NDUFAF6: variants seen among roughly 807,000 people sequenced by gnomAD.
NDUFAF6 encodes NADH:ubiquinone oxidoreductase complex assembly factor 6, also known as NADH dehydrogenase (ubiquinone) complex I, assembly factor 6.
Under a neutral mutation model 40.8 loss-of-function variants are expected in NDUFAF6, and 45 were observed. The ratio of observed to expected loss-of-function variants is 1.10; its 90% CI spans 0.87 to 1.42. The LOEUF is 1.42. NDUFAF6 is among the 40% of genes most tolerant of loss of function. The probability of loss-of-function intolerance (pLI) is 0.00; values close to 1 mark genes in which losing one functional copy is unlikely to be tolerated. For synonymous variants in NDUFAF6, 185 were observed against 155.9 expected, an observed-to-expected ratio of 1.19 and a Z score of -1.39; for missense variants, 435 against 418.5, an observed-to-expected ratio of 1.04 and a Z score of -0.34.
intron 2 of NDUFAF6, among the ~76,000 whole-genome samples, chr8:94,996,047 AC>A (rs1826416086): frequency 6.6e-6 from 1 of 152,152 alleles, no homozygotes; most frequent in Non-Finnish European, 1.5e-5. Flanking sequence ...CAAAGTGCTC[AC>A]AGGCGTGAGC....
At chr8:95,008,499 A>G (rs1827095510) in intron 2 of NDUFAF6, among the ~76,000 whole-genome samples, 1 of 152,122 alleles carries the variant, frequency 6.6e-6, no homozygotes, top group Admixed American at 6.5e-5. Flanking sequence ...ATTATTAGTT[A>G]ATGCCCATTT....
At chr8:94,988,268 CT>C (rs1181145447) in intron 2 of NDUFAF6, 2 of 152,200 alleles carry the variant, frequency 1.3e-5, no homozygotes, top group Non-Finnish European at 2.9e-5. Context: ...CTGGAGACAA[CT>C]TTGGCAACTG....
At chr8:95,077,765 G>A (rs1257144970), downstream of NDUFAF6, among the ~76,000 whole-genome samples, 3 of 152,136 alleles carry the variant, frequency 2.0e-5, no homozygotes, top group East Asian at 5.8e-4. Context: ...ATTCTGGGTT[G>A]TAAAGGTCAT....
chr8:94,987,300 C>T (rs577091211), intron 2 of NDUFAF6, among the ~76,000 whole-genome samples: 1 of 152,200 alleles, frequency 6.6e-6, no homozygotes, highest in East Asian at 1.9e-4. Flanking sequence ...ACCCAACCCC[C>T]TCCAAAGCAG....
chr8:95,050,144 C>T (rs549086397), intron 7 of NDUFAF6, among the ~76,000 whole-genome samples: 39 of 152,248 alleles, frequency 2.6e-4, no homozygotes, highest in Non-Finnish European at 4.6e-4. Flanking sequence ...GGCAGGAAAG[C>T]TTTGTGTGGA....
intron 1 of NDUFAF6, among the ~76,000 whole-genome samples, chr8:94,906,051 G>A (rs893117998): frequency 6.6e-6 from 1 of 152,130 alleles, no homozygotes; most frequent in African/African-American, 2.4e-5. Context: ...TCATAACAAG[G>A]TTCAAGGGCG....
chr8:95,035,655 T>G lies in NDUFAF6; in HGVS notation c.420+79T>G, dbSNP rs181575861. The G allele has an allele frequency of 2.8e-4, 382 of 1,352,278 alleles. No individual in the cohort carries two copies. In the African/African-American group the frequency reaches 4.6e-3, roughly 16 times the overall value. 83.8% of individuals were successfully genotyped at this position (1,352,278 alleles called of 1,614,324 possible). The stretch of plus-strand genomic sequence containing the variant: ...TTTTTGATGGATATAATTTGGGTAC[T>G]GGTGATTATAGTGGAATCTATTCTG... On this transcript the variant is annotated intron_variant, in intron 3 of 8. Coordinates refer to ENST00000396124, the MANE Select transcript of NDUFAF6 (RefSeq NM_152416.4).
At chr8:94,943,737 T>C (rs1196226804) in intron 1 of NDUFAF6, among the ~76,000 whole-genome samples, 3 of 152,220 alleles carry the variant, frequency 2.0e-5, no homozygotes, top group African/African-American at 7.2e-5. Flanking sequence ...GTTAAACATT[T>C]CAAATAAATA....
intron 1 of NDUFAF6, among the ~76,000 whole-genome samples, chr8:94,970,005 C>T (rs146716026): frequency 0.026 from 4,028 of 152,024 alleles, 140 homozygotes; most frequent in African/African-American, 0.085. Flanking sequence ...GCCTGTAATC[C>T]CAGCACTTTG....
chr8:94,953,303 A>G (rs1822783371), upstream of NDUFAF6, among the ~76,000 whole-genome samples: 2 of 151,428 alleles, frequency 1.3e-5, no homozygotes, highest in African/African-American at 4.9e-5. Flanking sequence ...CCGAGATCGC[A>G]CCATTGCACT....
chr8:94,917,066 ACACCT>A (rs1819184344), intron 1 of NDUFAF6, among the ~76,000 whole-genome samples: 1 of 145,190 alleles, frequency 6.9e-6, no homozygotes, highest in African/African-American at 2.6e-5. Flanking sequence ...ATCCGAGACC[ACACCT>A]CTGCACTCCA....
chr8:94,901,586 A>T (rs775966828), intron 1 of NDUFAF6, among the ~76,000 whole-genome samples: 20 of 151,702 alleles, frequency 1.3e-4, no homozygotes, highest in Admixed American at 5.9e-4. Context: ...TCTACATTTT[A>T]TTATTATTAT....
chr8:95,113,064 C>G (rs1426609115), intron 4 of NDUFAF6, among the ~76,000 whole-genome samples: 1 of 152,162 alleles, frequency 6.6e-6, no homozygotes, highest in African/African-American at 2.4e-5. Flanking sequence ...TTGAGACCAC[C>G]ACAGTCCTAC....
intron 9 of NDUFAF6, among the ~76,000 whole-genome samples, chr8:95,074,732 C>G (rs1832979161): frequency 6.6e-6 from 1 of 152,126 alleles, no homozygotes; most frequent in Admixed American, 6.5e-5. Context: ...TCATCTCTTC[C>G]TCTCCACTCT....
At chr8:95,089,090 T>C (rs1187416191) in intron 2 of NDUFAF6, among the ~76,000 whole-genome samples, 1 of 151,994 alleles carries the variant, frequency 6.6e-6, no homozygotes, top group Non-Finnish European at 1.5e-5. Flanking sequence ...AGACAAGGTC[T>C]GGCTCTGTCG....
At chr8:95,109,124 G>A (rs1809922666) in intron 4 of NDUFAF6, among the ~76,000 whole-genome samples, 1 of 152,138 alleles carries the variant, frequency 6.6e-6, no homozygotes, top group African/African-American at 2.4e-5. Context: ...CCAGCTCCAA[G>A]CTCTTTCAGG....
intron 5 of NDUFAF6, among the ~76,000 whole-genome samples, chr8:95,046,141 A>C (rs1210837005): frequency 1.3e-5 from 2 of 151,736 alleles, no homozygotes; most frequent in African/African-American, 4.9e-5. Flanking sequence ...GCTCACTGCA[A>C]CCTCTGCCTC....
At chr8:94,901,827 C>T (rs1363688475) in intron 1 of NDUFAF6, among the ~76,000 whole-genome samples, 8 of 152,112 alleles carry the variant, frequency 5.3e-5, no homozygotes, top group South Asian at 2.1e-4. Context: ...TCAAGTGATC[C>T]GCTGGCCTCA....
In NDUFAF6 at chr8:95,025,022, C is replaced by T. The variant is rs905657474; in HGVS notation, c.14C>T (p.Ala5Val). 5.9e-6 allele frequency: 8 copies of T among 1,350,960 alleles called. No homozygotes were observed. The South Asian group carries it at 7.9e-5, about 13-fold the overall frequency. The allele number at this position is 1,350,960 out of a possible 1,614,324, so 83.7% of individuals were successfully genotyped here. The change falls in exon 1 of 9, where the codon GCG (alanine) becomes GTG (valine). Residue 5 changes from alanine (A) to valine (V), a missense_variant. Coordinates refer to ENST00000396124, the MANE Select transcript of NDUFAF6 (RefSeq NM_152416.4). Reference protein sequence around the residue: MAASAHGSVWGPLRL... With the variant: MAASVHGSVWGPLRL... Reference sequence around the variant, plus strand: ...AGTGCCGGCGTCATGGCGGCCTCCGCGCACGGCTCTGTCTGGGGGCCGTTG... The same window carrying T: ...AGTGCCGGCGTCATGGCGGCCTCCGTGCACGGCTCTGTCTGGGGGCCGTTG...
Sources: gnomAD v4.1 joint callset for allele counts (sites outside exome capture counted in the v4.1 genomes callset) on GRCh38, gnomAD v4.1.1 for gene constraint, MANE v1.5 for transcripts, NCBI Gene and HGNC (gene_info 2026-07-23, HGNC 2026-07-21) for gene names.